The following LRMDA variants were observed in gnomAD, a reference collection of about 807,000 sequenced individuals.
LRMDA encodes the protein leucine-rich melanocyte differentiation-associated protein.
LRMDA carries 18 observed loss-of-function variants against 29.8 expected under a neutral mutation model. The ratio of observed to expected loss-of-function variants is 0.60; its 90% CI spans 0.42 to 0.90. LRMDA has a LOEUF of 0.90. Ranked by LOEUF, LRMDA falls within the 40% of genes least tolerant of loss-of-function variation. LRMDA has a pLI of 0.00. For missense variants in LRMDA, 273 were observed against 273.9 expected (o/e 1.00, Z 0.02); for synonymous variants, 125 against 109.4 (o/e 1.14, Z -0.89).
At chr10:75,847,873 A>G (rs1234964458) in intron 2 of LRMDA, among the ~76,000 whole-genome samples, 1 of 152,184 alleles carries the variant, frequency 6.6e-6, no homozygotes, top group African/African-American at 2.4e-5. Flanking sequence ...ATCACCTTAT[A>G]CCCATTTGGA....
At chr10:75,517,948 G>A (rs1285979662) in intron 2 of LRMDA, among the ~76,000 whole-genome samples, 3 of 152,170 alleles carry the variant, frequency 2.0e-5, no homozygotes, top group Non-Finnish European at 4.4e-5. Context: ...TGCATCTATT[G>A]AGATAATCAT....
At chr10:75,791,601 C>A (rs1293468655) in intron 2 of LRMDA, among the ~76,000 whole-genome samples, 1 of 152,136 alleles carries the variant, frequency 6.6e-6, no homozygotes, top group Middle Eastern at 3.2e-3. Flanking sequence ...TCTCACACTC[C>A]CAGATATTCA....
intron 6 of LRMDA, among the ~76,000 whole-genome samples, chr10:76,390,676 C>T (rs948478170): frequency 6.6e-6 from 1 of 152,038 alleles, no homozygotes; most frequent in African/African-American, 2.4e-5. Flanking sequence ...CCTTAAACTG[C>T]CTGTATGCCC....
chr10:76,282,709 C>G (rs555300073), intron 5 of LRMDA, among the ~76,000 whole-genome samples: 1 of 152,228 alleles, frequency 6.6e-6, no homozygotes, highest in South Asian at 2.1e-4. Context: ...AATTTTTATC[C>G]TGGTTTTGTC....
In LRMDA at chr10:76,435,976, T is replaced by G. The variant is rs557940167; in HGVS notation, c.601+111491T>G. 2.0e-5 allele frequency among the ~76,000 whole-genome samples: 3 copies of G among 152,346 alleles called. No homozygotes were observed. The South Asian group carries it at 6.2e-4, about 32-fold the overall frequency. ...TGGGCTGAAGCAAAATGCTTTAATT[T>G]TTGGGATATTGGTTATTTCCCCAGT... On this transcript the variant is annotated intron_variant, in intron 6 of 6. Transcript: ENST00000611255.
intron 6 of LRMDA, among the ~76,000 whole-genome samples, chr10:76,424,125 A>G (rs1424146143): frequency 6.6e-6 from 1 of 152,172 alleles, no homozygotes; most frequent in African/African-American, 2.4e-5. Context: ...ATGGCTGTGG[A>G]TATTGAACAA....
chr10:76,471,920 A>G (rs965546577), intron 6 of LRMDA, among the ~76,000 whole-genome samples: 6 of 151,840 alleles, frequency 4.0e-5, no homozygotes, highest in African/African-American at 1.4e-4. Flanking sequence ...AGAGCCCCAA[A>G]ATACACGAAG....
At chr10:76,177,297 G>A (rs920150053) in intron 5 of LRMDA, among the ~76,000 whole-genome samples, 1 of 152,120 alleles carries the variant, frequency 6.6e-6, no homozygotes, top group Admixed American at 6.5e-5. Flanking sequence ...ATTCAGCAGA[G>A]GCTTTAACTT....
intron 2 of LRMDA, among the ~76,000 whole-genome samples, chr10:75,563,546 C>T (rs978097473): frequency 1.2e-4 from 18 of 152,182 alleles, no homozygotes; most frequent in African/African-American, 1.9e-4. Flanking sequence ...AGTCATTCTC[C>T]GTCCAGCTTT....
chr10:76,400,603 C>A (rs921220919), intron 6 of LRMDA, among the ~76,000 whole-genome samples: 3 of 152,280 alleles, frequency 2.0e-5, no homozygotes, highest in Admixed American at 2.0e-4. Context: ...AGCACAATTA[C>A]CTCTGTACTG....
intron 5 of LRMDA, among the ~76,000 whole-genome samples, chr10:76,189,788 T>A (rs983341645): frequency 1.8e-4 from 28 of 152,326 alleles, no homozygotes; most frequent in Admixed American, 6.5e-4. Flanking sequence ...GAGCACAAGA[T>A]GCTCTCAGAT....
At chr10:76,281,623 C>T (rs896118883) in intron 5 of LRMDA, among the ~76,000 whole-genome samples, 1 of 152,070 alleles carries the variant, frequency 6.6e-6, no homozygotes, top group African/African-American at 2.4e-5. Flanking sequence ...ATGGTTAAAG[C>T]AGGAATTATG....
chr10:76,425,344 AT>A (rs1006303295), intron 6 of LRMDA, among the ~76,000 whole-genome samples: 11 of 151,536 alleles, frequency 7.3e-5, no homozygotes, highest in African/African-American at 2.2e-4. Flanking sequence ...GACAACCTTA[AT>A]TTTTTTTCTT....
chr10:76,533,162 CGA>C (rs993548206), intron 6 of LRMDA, among the ~76,000 whole-genome samples: 8 of 151,310 alleles, frequency 5.3e-5, no homozygotes, highest in African/African-American at 1.5e-4. Flanking sequence ...TGAGAGAGAG[CGA>C]GAGAGAGAAT....
At chr10:75,818,024 G>T (rs969513161) in intron 2 of LRMDA, among the ~76,000 whole-genome samples, 1 of 152,226 alleles carries the variant, frequency 6.6e-6, no homozygotes, top group African/African-American at 2.4e-5. Context: ...TGAGCATGAT[G>T]GTTCCATGAA....
At chr10:75,929,495 C>T (rs1325176959) in intron 2 of LRMDA, among the ~76,000 whole-genome samples, 2 of 152,116 alleles carry the variant, frequency 1.3e-5, no homozygotes, top group African/African-American at 4.8e-5. Context: ...GAAACTGAGT[C>T]TTACAGAAGC....
At chr10:75,808,622 C>T (rs575845129) in intron 2 of LRMDA, among the ~76,000 whole-genome samples, 1 of 152,230 alleles carries the variant, frequency 6.6e-6, no homozygotes, top group Admixed American at 6.5e-5. Flanking sequence ...TAATTCTCCT[C>T]CCTCAGCCTC....
chr10:75,982,085 G>A (rs747812844), intron 2 of LRMDA, among the ~76,000 whole-genome samples: 15 of 152,052 alleles, frequency 9.9e-5, no homozygotes, highest in Non-Finnish European at 1.8e-4. Flanking sequence ...CTGATATCCA[G>A]CACTCTCATG....
intron 3 of LRMDA, among the ~76,000 whole-genome samples, chr10:76,039,785 T>G (rs1848311719): frequency 6.6e-6 from 1 of 152,214 alleles, no homozygotes; most frequent in Non-Finnish European, 1.5e-5. Flanking sequence ...TAGGTTGTTT[T>G]GAAGATTATT....
Sources: gnomAD v4.1 joint callset for allele counts (sites outside exome capture counted in the v4.1 genomes callset) on GRCh38, gnomAD v4.1.1 for gene constraint, MANE v1.5 for transcripts, NCBI Gene and HGNC (gene_info 2026-07-23, HGNC 2026-07-21) for gene names.